EPC2: variants seen among roughly 807,000 people sequenced by gnomAD.
EPC2 encodes enhancer of polycomb homolog 2.
In EPC2, 14 loss-of-function variants were observed where a neutral mutation model predicts 92.1. The ratio of observed to expected loss-of-function variants is 0.15; its 90% CI spans 0.10 to 0.24. The LOEUF is 0.24. Among genes scored for constraint, EPC2 ranks in the 10% least tolerant of loss-of-function variants. The probability of loss-of-function intolerance (pLI) is 1.00; values close to 1 mark genes in which losing one functional copy is unlikely to be tolerated. For missense variants in EPC2, 755 were observed against 971.5 expected, an observed-to-expected ratio of 0.78 and a Z score of 2.96; for synonymous variants, 340 against 334.7, an observed-to-expected ratio of 1.02 and a Z score of -0.17.
At chr2:148,769,759 T>C (rs189145947) in intron 8 of EPC2, among the ~76,000 whole-genome samples, 253 of 152,368 alleles carry the variant, frequency 1.7e-3, no homozygotes, top group African/African-American at 5.9e-3. Flanking sequence ...GAAGTCGCAT[T>C]ATATCACTCT....
intron 3 of EPC2, among the ~76,000 whole-genome samples, chr2:148,743,979 G>T (rs1027752449): frequency 1.3e-5 from 2 of 151,928 alleles, no homozygotes; most frequent in Non-Finnish European, 2.9e-5. Flanking sequence ...TTTCCTGTTT[G>T]GATAAAAATA....
intron 4 of EPC2, among the ~76,000 whole-genome samples, chr2:148,758,997 A>G (rs1261221820): frequency 6.6e-6 from 1 of 152,230 alleles, no homozygotes; most frequent in South Asian, 2.1e-4. Context: ...AAACAATTGT[A>G]AGGAGATTAA....
intron 6 of EPC2, among the ~76,000 whole-genome samples, chr2:148,764,259 C>T (rs1399539314): frequency 6.6e-6 from 1 of 152,044 alleles, no homozygotes; most frequent in Non-Finnish European, 1.5e-5. Flanking sequence ...CAGTCTTTTC[C>T]GACTTTTAAA....
intron 7 of EPC2, among the ~76,000 whole-genome samples, chr2:148,765,929 C>T (rs1683400284): frequency 6.6e-6 from 1 of 152,084 alleles, no homozygotes; most frequent in African/African-American, 2.4e-5. Context: ...CCCGCTACTC[C>T]TGAGGCTGAT....
intron 2 of EPC2, among the ~76,000 whole-genome samples, chr2:148,722,566 A>C (rs1558820510): frequency 6.6e-6 from 1 of 152,230 alleles, no homozygotes; most frequent in Non-Finnish European, 1.5e-5. Context: ...ATGCTCATGC[A>C]CTGCGGGTAG....
At chr2:148,645,751 G>T (rs1683785395) in intron 1 of EPC2, among the ~76,000 whole-genome samples, 1 of 152,108 alleles carries the variant, frequency 6.6e-6, no homozygotes, top group Non-Finnish European at 1.5e-5. Context: ...TACCGAGCGG[G>T]TCGTAGCGTC....
chr2:148,748,507 A>AT (rs1323693461), intron 3 of EPC2, among the ~76,000 whole-genome samples: 1 of 152,090 alleles, frequency 6.6e-6, no homozygotes, highest in Non-Finnish European at 1.5e-5. Flanking sequence ...TTGTTCCACA[A>AT]TGTTACACAG....
chr2:148,675,447 G>A (rs984995767), intron 1 of EPC2, among the ~76,000 whole-genome samples: 1 of 152,016 alleles, frequency 6.6e-6, no homozygotes, highest in Admixed American at 6.6e-5. Flanking sequence ...TTGTCTTCTC[G>A]TTTTAAGATA....
intron 1 of EPC2, 55 bp from the exon 2 acceptor site, chr2:148,690,159 A>G: frequency 6.8e-7 from 1 of 1,465,090 alleles, no homozygotes. Flanking sequence ...ATATAAAATT[A>G]TGCATTGATT....
At chr2:148,719,129 A>G (rs1682318683) in intron 2 of EPC2, among the ~76,000 whole-genome samples, 1 of 152,100 alleles carries the variant, frequency 6.6e-6, no homozygotes, top group Non-Finnish European at 1.5e-5. Context: ...TATTCTGGTT[A>G]TCAGCTCCTG....
chr2:148,744,965 G>T, intron 3 of EPC2, among the ~76,000 whole-genome samples: 2 of 132,136 alleles, frequency 1.5e-5, no homozygotes, highest in African/African-American at 5.5e-5. Flanking sequence ...AAGTGACTTT[G>T]CTGCATATTT....
Position 148,761,826 on chromosome 2 carries a change from G to T in EPC2, c.711G>T (p.Leu237=). Residue 237 remains leucine, a synonymous_variant, in exon 5 of 14, where the codon CTG becomes CTT. Coordinates refer to ENST00000258484, the MANE Select transcript of EPC2 (RefSeq NM_015630.4). ...CCTCTTATGAAAAGATGTTGAAACT[G>T]AGACGAGAATTTAGTAGAGCCATAA... ...DEASYEKMLK[L]RREFSRAITI... The T allele has an allele frequency of 1.3e-6, 2 of 1,581,970 alleles. No homozygotes were observed. Among genetic ancestry groups the T allele is most frequent in the South Asian group, 2.4e-5 (2 of 83,710 alleles).
chr2:148,739,285 C>G (rs982020690), intron 2 of EPC2, among the ~76,000 whole-genome samples: 2 of 152,158 alleles, frequency 1.3e-5, no homozygotes, highest in Admixed American at 6.5e-5. Flanking sequence ...TGGGCAGTAA[C>G]TGGCCCATCA....
At chr2:148,731,809 G>A (rs1276910914) in intron 2 of EPC2, among the ~76,000 whole-genome samples, 2 of 152,310 alleles carry the variant, frequency 1.3e-5, no homozygotes, top group Middle Eastern at 3.4e-3. Flanking sequence ...ATGTTGGAAA[G>A]CTTAAATGTA....
rs941829574 is a variant in EPC2, at chr2:148,766,067, AT to A, written c.1140+931del. 1.2e-3 allele frequency among the ~76,000 whole-genome samples: 175 copies of A among 150,172 alleles called. 1 individual carries two copies. Among genetic ancestry groups the A allele is most frequent in the African/African-American group, 4.0e-3 (165 of 40,998 alleles). ...AAACAAGCAAACAAAAAAAAGATCC[AT>A]TTTTTTTTTAAATATTGTGTATCAC... On this transcript the variant is annotated intron_variant, in intron 7 of 13. Transcript: ENST00000258484.
At chr2:148,666,666 A>T (rs1261119040) in intron 1 of EPC2, among the ~76,000 whole-genome samples, 1 of 152,168 alleles carries the variant, frequency 6.6e-6, no homozygotes, top group Non-Finnish European at 1.5e-5. Flanking sequence ...GCACTGCCTT[A>T]AACTGGTGGT....
At chr2:148,766,561 A>C (rs1333213953) in intron 7 of EPC2, among the ~76,000 whole-genome samples, 1 of 152,206 alleles carries the variant, frequency 6.6e-6, no homozygotes, top group Non-Finnish European at 1.5e-5. Flanking sequence ...ATTTTGAAGG[A>C]ATGAGGGATA....
At chr2:148,666,143 T>A (rs1274905663) in intron 1 of EPC2, among the ~76,000 whole-genome samples, 1 of 152,222 alleles carries the variant, frequency 6.6e-6, no homozygotes, top group Non-Finnish European at 1.5e-5. Flanking sequence ...GTTGTTTTTA[T>A]TTTTATTTTT....
intron 2 of EPC2, among the ~76,000 whole-genome samples, chr2:148,739,882 C>T (rs575675241): frequency 1.3e-4 from 16 of 118,642 alleles, no homozygotes; most frequent in Non-Finnish European, 2.6e-4. Context: ...GTTAACTTCA[C>T]TACAGGAAGT....
Sources: allele counts gnomAD v4.1 joint callset (sites outside exome capture counted in the v4.1 genomes callset), GRCh38; gene constraint gnomAD v4.1.1; transcripts MANE v1.5; gene names NCBI Gene and HGNC (gene_info 2026-07-23, HGNC 2026-07-21).